The following CDH4 variants were observed in gnomAD, a reference collection of about 807,000 sequenced individuals.
CDH4 encodes the protein cadherin-4.
In CDH4, 33 loss-of-function variants were observed where a neutral mutation model predicts 86.0. That is an observed-to-expected ratio of 0.38 (90% CI 0.29 to 0.51). The LOEUF (loss-of-function observed/expected upper bound fraction) is 0.51, where lower values mean the gene tolerates loss of function less well. Ranked by LOEUF, CDH4 falls within the 20% of genes least tolerant of loss-of-function variation. The probability of loss-of-function intolerance (pLI) is 0.86; values close to 1 mark genes in which losing one functional copy is unlikely to be tolerated. For synonymous variants in CDH4, 555 were observed against 549.4 expected, an observed-to-expected ratio of 1.01 and a Z score of -0.14; for missense variants, 1,114 against 1,307.4, an observed-to-expected ratio of 0.85 and a Z score of 2.28.
chr20:61,493,024 A>G (rs560346113), intron 2 of CDH4, among the ~76,000 whole-genome samples: 1 of 152,318 alleles, frequency 6.6e-6, no homozygotes, highest in African/African-American at 2.4e-5. Flanking sequence ...GGATTTGCCC[A>G]TGGTAGAGAA....
intron 1 of CDH4, among the ~76,000 whole-genome samples, chr20:61,253,243 G>A (rs2084075271): frequency 2.6e-5 from 4 of 151,156 alleles, no homozygotes; most frequent in Admixed American, 2.0e-4. Context: ...GGCTTGGGCC[G>A]GGAAGCCGGA....
At chr20:61,736,995 G>A (rs546560543) in intron 2 of CDH4, among the ~76,000 whole-genome samples, 117 of 152,300 alleles carry the variant, frequency 7.7e-4, no homozygotes, top group Non-Finnish European at 1.4e-3. Flanking sequence ...GGAGAAGGTC[G>A]AGGTGCAGGG....
rs1160620921 is a variant in CDH4 at position 61,880,909 on chromosome 20, C to T, written c.1050+7009C>T. Among the ~76,000 whole-genome samples the T allele has an allele frequency of 2.0e-5, 3 of 152,334 alleles. 1 individual carries two copies. The highest frequency in any genetic ancestry group is 2.0e-4 in the Admixed American group (3 of 15,310). ...TGCCAGTGAGTTAGAGTGAGGGCCC[C>T]CCAGGCCCCAGGAGGGCAATAACAG... On this transcript the variant is annotated intron_variant, in intron 7 of 15. Transcript: ENST00000614565.
At chr20:61,563,931 G>A (rs934257413) in intron 2 of CDH4, among the ~76,000 whole-genome samples, 4 of 152,134 alleles carry the variant, frequency 2.6e-5, no homozygotes, top group Non-Finnish European at 4.4e-5. Context: ...CCTTCTTGGC[G>A]GCAAAACTCT....
chr20:61,294,436 TC>T (rs561972928), intron 2 of CDH4, among the ~76,000 whole-genome samples: 1 of 152,096 alleles, frequency 6.6e-6, no homozygotes, highest in Non-Finnish European at 1.5e-5. Context: ...GGGCCCCGAC[TC>T]GGCCCATCCT....
At chr20:61,522,724 G>A (rs973963102) in intron 2 of CDH4, among the ~76,000 whole-genome samples, 13 of 127,952 alleles carry the variant, frequency 1.0e-4, no homozygotes, top group African/African-American at 2.4e-4. Flanking sequence ...TGTCTTCCGC[G>A]GAAATGGCCG....
At chr20:61,445,000 C>T (rs539339894) in intron 2 of CDH4, among the ~76,000 whole-genome samples, 2 of 150,834 alleles carry the variant, frequency 1.3e-5, no homozygotes, top group South Asian at 2.2e-4. Context: ...TATGTATCTG[C>T]ATGTGTGTTT....
In CDH4 at chr20:61,873,858, G is replaced by A. The variant is rs770191388; in HGVS notation, c.1008G>A (p.Glu336=). ...PSQNMFTINS[E]TGDIVTVAAG... ...AGAATATGTTCACCATCAACAGCGA[G>A]ACTGGAGATATCGTCACAGTGGCGG... The change falls in exon 7 of 16, where the codon GAG becomes GAA. Residue 336 remains glutamate, a synonymous_variant. Transcript: ENST00000614565. 2 of 1,614,010 alleles carry A rather than the reference G, an allele frequency of 1.2e-6. No individual in the cohort carries two copies. The highest frequency in any genetic ancestry group is 1.7e-6 in the Non-Finnish European group (2 of 1,180,040).
intron 2 of CDH4, among the ~76,000 whole-genome samples, chr20:61,609,632 T>C (rs2086670073): frequency 2.6e-5 from 4 of 152,182 alleles, no homozygotes; most frequent in Admixed American, 2.6e-4. Context: ...CACGTGCTCC[T>C]CATTCTCTGT....
chr20:61,258,292 T>G (rs2084110084), intron 2 of CDH4, among the ~76,000 whole-genome samples: 1 of 116,666 alleles, frequency 8.6e-6, no homozygotes, highest in Non-Finnish European at 1.6e-5. Flanking sequence ...ATCGCGCCAC[T>G]GCACTCCAGC....
At chr20:61,894,815 T>G in intron 7 of CDH4, 95 bp from the exon 8 acceptor site, 1 of 1,367,606 alleles carries the variant, frequency 7.3e-7, no homozygotes, top group Non-Finnish European at 1.0e-6. Flanking sequence ...TTCCAGGAAC[T>G]CCGTTCCTGT....
intron 2 of CDH4, chr20:61,718,018 T>C (rs1459650811): frequency 6.6e-6 from 1 of 152,378 alleles, no homozygotes; most frequent in African/African-American, 2.4e-5. Flanking sequence ...CATCACATCC[T>C]CAGCACCCTA....
At chr20:61,613,279 G>C (rs1473148414) in intron 2 of CDH4, among the ~76,000 whole-genome samples, 1 of 152,118 alleles carries the variant, frequency 6.6e-6, no homozygotes, top group Non-Finnish European at 1.5e-5. Flanking sequence ...GAGAGACACA[G>C]CTGCTGCCTT....
At chr20:61,815,469 C>T (rs1377438631) in intron 4 of CDH4, among the ~76,000 whole-genome samples, 1 of 152,242 alleles carries the variant, frequency 6.6e-6, no homozygotes, top group Non-Finnish European at 1.5e-5. Context: ...TGGACTTCAC[C>T]CTCCACCACA....
intron 6 of CDH4, among the ~76,000 whole-genome samples, chr20:61,867,935 T>G (rs1411877372): frequency 6.6e-6 from 1 of 152,300 alleles, no homozygotes; most frequent in East Asian, 1.9e-4. Flanking sequence ...GGCTCTTCTC[T>G]GTGAGGAAGA....
chr20:61,900,255 T>A (rs1048362242), intron 8 of CDH4, among the ~76,000 whole-genome samples: 2 of 151,972 alleles, frequency 1.3e-5, no homozygotes, highest in Admixed American at 1.3e-4. Flanking sequence ...CAGCGTGAGT[T>A]CCTGAGCACA....
At chr20:61,621,845 AGT>A (rs1274723223) in intron 2 of CDH4, among the ~76,000 whole-genome samples, 1 of 152,230 alleles carries the variant, frequency 6.6e-6, no homozygotes, top group Non-Finnish European at 1.5e-5. Context: ...TTTGGAATGA[AGT>A]GTGTGTGCTT....
intron 2 of CDH4, among the ~76,000 whole-genome samples, chr20:61,270,789 A>G (rs1335150463): frequency 6.6e-6 from 1 of 152,122 alleles, no homozygotes; most frequent in Non-Finnish European, 1.5e-5. Flanking sequence ...GTGAGCTTCA[A>G]GTGTTTTTTT....
chr20:61,278,618 G>T (rs1303381469), intron 2 of CDH4, among the ~76,000 whole-genome samples: 1 of 152,242 alleles, frequency 6.6e-6, no homozygotes, highest in Non-Finnish European at 1.5e-5. Context: ...GAGTCTCCCT[G>T]AAGTGTCTAC....
Sources: gnomAD v4.1 joint callset for allele counts (sites outside exome capture counted in the v4.1 genomes callset) on GRCh38, gnomAD v4.1.1 for gene constraint, MANE v1.5 for transcripts, NCBI Gene and HGNC (gene_info 2026-07-23, HGNC 2026-07-21) for gene names.